Variants in ERBB4 observed in about 807,000 individuals in gnomAD.
The protein encoded by ERBB4 is erb-b2 receptor tyrosine kinase 4, also known as receptor tyrosine-protein kinase erbB-4.
In ERBB4, 42 loss-of-function variants were observed where a neutral mutation model predicts 158.0. The observed-to-expected ratio is 0.27, with a 90% CI of 0.21 to 0.34. The LOEUF (loss-of-function observed/expected upper bound fraction) is 0.34, where lower values mean the gene tolerates loss of function less well. Among genes scored for constraint, ERBB4 ranks in the 10% least tolerant of loss-of-function variants. ERBB4 has a pLI of 1.00. For synonymous variants in ERBB4, 583 were observed against 558.7 expected (o/e 1.04, Z -0.61); for missense variants, 1,333 against 1,624.1 (o/e 0.82, Z 3.08).
chr2:211,751,763 C>T (rs1275559598), intron 4 of ERBB4, among the ~76,000 whole-genome samples: 3 of 152,064 alleles, frequency 2.0e-5, no homozygotes, highest in Non-Finnish European at 2.9e-5. Flanking sequence ...AGTGTTTTCC[C>T]GCCTCCAGTG....
At position 211,802,265 on chromosome 2, in the gene ERBB4, A is replaced by C. The variant is rs34800197; in HGVS notation, c.422-14106T>G. Among the ~76,000 whole-genome samples, 309 of 83,258 alleles carry C rather than the reference A, an allele frequency of 3.7e-3. 5 individuals carry two copies. In the East Asian group the frequency reaches 0.052, roughly 14 times the overall value. 54.6% of individuals were successfully genotyped at this position (83,258 alleles called of 152,430 possible). A position where few individuals can be genotyped will look rare whatever the true frequency, so the allele number is the denominator to read the frequency against. On this transcript the variant is annotated intron_variant, in intron 3 of 27. Coordinates refer to ENST00000342788, the MANE Select transcript of ERBB4 (RefSeq NM_005235.3). Reference sequence around the variant, plus strand: ...AAGAGCGAGACTCAGTCTCCAACAAAAAAAAAAAAACACAAAAAACTGAAA... The same window carrying C: ...AAGAGCGAGACTCAGTCTCCAACAACAAAAAAAAAACACAAAAAACTGAAA...
chr2:212,507,405 C>T (rs964534854), intron 1 of ERBB4, among the ~76,000 whole-genome samples: 1 of 152,074 alleles, frequency 6.6e-6, no homozygotes, highest in African/African-American at 2.4e-5. Context: ...ATGAAATATA[C>T]TTCATAAGGC....
intron 1 of ERBB4, among the ~76,000 whole-genome samples, chr2:212,410,370 A>G (rs2091462262): frequency 6.6e-6 from 1 of 152,066 alleles, no homozygotes. Flanking sequence ...TTATTTTTGT[A>G]AAGAAACTAT....
At chr2:212,481,026 T>C (rs377487272) in intron 1 of ERBB4, among the ~76,000 whole-genome samples, 1 of 152,258 alleles carries the variant, frequency 6.6e-6, no homozygotes, top group African/African-American at 2.4e-5. Flanking sequence ...ACATCTATTC[T>C]AAAACCTTGA....
At chr2:211,654,821 T>C (rs1398594860) in intron 16 of ERBB4, among the ~76,000 whole-genome samples, 1 of 152,166 alleles carries the variant, frequency 6.6e-6, no homozygotes, top group Non-Finnish European at 1.5e-5. Context: ...GTGATTCTTC[T>C]TAAGAATGAT....
At chr2:212,071,343 T>C (rs1453710309) in intron 2 of ERBB4, among the ~76,000 whole-genome samples, 1 of 149,438 alleles carries the variant, frequency 6.7e-6, no homozygotes, top group Non-Finnish European at 1.5e-5. Context: ...AGAAACACAG[T>C]TTAAATCAAT....
intron 4 of ERBB4, among the ~76,000 whole-genome samples, chr2:211,767,184 T>C (rs1211732523): frequency 2.6e-5 from 4 of 152,194 alleles, no homozygotes; most frequent in African/African-American, 9.6e-5. Context: ...CGTGCATTTT[T>C]CCCAATTCTT....
At chr2:211,637,091 T>G (rs1287422262) in intron 16 of ERBB4, among the ~76,000 whole-genome samples, 1 of 151,966 alleles carries the variant, frequency 6.6e-6, no homozygotes, top group Non-Finnish European at 1.5e-5. Flanking sequence ...TTTAAAAATA[T>G]AATTAGGTAA....
intron 2 of ERBB4, among the ~76,000 whole-genome samples, chr2:212,083,870 T>A (rs565411578): frequency 2.5e-4 from 38 of 150,646 alleles, no homozygotes; most frequent in African/African-American, 9.3e-4. Context: ...CATATCTTTA[T>A]AGAGTGACTT....
chr2:212,411,189 G>A (rs1240961348), intron 1 of ERBB4, among the ~76,000 whole-genome samples: 1 of 152,052 alleles, frequency 6.6e-6, no homozygotes, highest in Admixed American at 6.6e-5. Flanking sequence ...TAATTGATCA[G>A]ATATGGAGAA....
At chr2:211,990,930 T>C (rs2082059495) in intron 2 of ERBB4, among the ~76,000 whole-genome samples, 1 of 152,048 alleles carries the variant, frequency 6.6e-6, no homozygotes, top group Admixed American at 6.6e-5. Flanking sequence ...ATTATTTTCA[T>C]AATTATACAA....
At chr2:211,714,803 A>C in intron 7 of ERBB4, among the ~76,000 whole-genome samples, 1 of 152,184 alleles carries the variant, frequency 6.6e-6, no homozygotes, top group African/African-American at 2.4e-5. Context: ...AGAGCATTCC[A>C]TTGTAAAATT....
At chr2:212,285,836 C>T (rs530129675) in intron 1 of ERBB4, among the ~76,000 whole-genome samples, 48 of 152,104 alleles carry the variant, frequency 3.2e-4, no homozygotes, top group Non-Finnish European at 5.4e-4. Context: ...ACTCTAGACT[C>T]TCTAATATTC....
At chr2:212,260,814 A>G (rs2084916546) in intron 1 of ERBB4, among the ~76,000 whole-genome samples, 1 of 152,152 alleles carries the variant, frequency 6.6e-6, no homozygotes, top group Admixed American at 6.5e-5. Flanking sequence ...CTCTGTCTCA[A>G]AAAAATAAAA....
intron 3 of ERBB4, among the ~76,000 whole-genome samples, chr2:211,846,468 T>C (rs2077592083): frequency 6.6e-6 from 1 of 152,146 alleles, no homozygotes; most frequent in Non-Finnish European, 1.5e-5. Context: ...ATCCCTAGGC[T>C]AATGTCCTCT....
At chr2:212,164,097 T>C (rs1449217726) in intron 1 of ERBB4, among the ~76,000 whole-genome samples, 1 of 151,988 alleles carries the variant, frequency 6.6e-6, no homozygotes, top group Non-Finnish European at 1.5e-5. Flanking sequence ...CCATCTTGCC[T>C]GGCCTGAACA....
chr2:211,665,232 G>T, intron 15 of ERBB4, 91 bp downstream of exon 15: 1 of 1,246,428 alleles, frequency 8.0e-7, no homozygotes, highest in South Asian at 1.2e-5. Context: ...AGTTCTATGA[G>T]AATGGTATAC....
intron 2 of ERBB4, among the ~76,000 whole-genome samples, chr2:212,117,743 T>A (rs375846998): frequency 1.4e-4 from 21 of 149,038 alleles, no homozygotes; most frequent in Middle Eastern, 3.5e-3. Context: ...CACTTTGTTA[T>A]GTCATAGATG....
intron 15 of ERBB4, among the ~76,000 whole-genome samples, chr2:211,662,043 A>C (rs1164805946): frequency 6.0e-5 from 1 of 16,762 alleles, no homozygotes; most frequent in Non-Finnish European, 1.6e-4. Flanking sequence ...CGTCTCAAAA[A>C]AAAAAAAAAA....
Sources: gnomAD v4.1 joint callset for allele counts (sites outside exome capture counted in the v4.1 genomes callset) on GRCh38, gnomAD v4.1.1 for gene constraint, MANE v1.5 for transcripts, NCBI Gene and HGNC (gene_info 2026-07-23, HGNC 2026-07-21) for gene names.